CATSPERB: variants seen among roughly 807,000 people sequenced by gnomAD.
The protein encoded by CATSPERB is cation channel sperm-associated auxiliary subunit beta.
Under a neutral mutation model 128.3 loss-of-function variants are expected in CATSPERB, and 93 were observed. The ratio of observed to expected loss-of-function variants is 0.72; its 90% CI spans 0.61 to 0.86. CATSPERB has a LOEUF of 0.86. CATSPERB is among the 40% of genes least tolerant of loss of function. The pLI is 0.00. For missense variants in CATSPERB, 1,153 were observed against 1,329.5 expected (o/e 0.87, Z 2.06); for synonymous variants, 381 against 448.8 (o/e 0.85, Z 1.91).
At chr14:91,660,169 T>C (rs1894852579) in intron 14 of CATSPERB, among the ~76,000 whole-genome samples, 188 bp from the exon 15 acceptor site, 1 of 151,992 alleles carries the variant, frequency 6.6e-6, no homozygotes, top group South Asian at 2.1e-4. Flanking sequence ...CCTTATCTAC[T>C]TTGTCTACCT....
intron 15 of CATSPERB, among the ~76,000 whole-genome samples, chr14:91,640,359 G>A (rs915213970): frequency 1.4e-5 from 2 of 139,098 alleles, no homozygotes; most frequent in African/African-American, 5.5e-5. Flanking sequence ...TCGTCATCTA[G>A]CATTAGGTAT....
At chr14:91,666,855 C>A (rs1002111241) in intron 14 of CATSPERB, among the ~76,000 whole-genome samples, 3 of 152,182 alleles carry the variant, frequency 2.0e-5, no homozygotes, top group Admixed American at 2.0e-4. Context: ...GATGGGGAAC[C>A]AATCAAGCAT....
At chr14:91,605,285 G>T in intron 22 of CATSPERB, 1 of 1,048,362 alleles carries the variant, frequency 9.5e-7, no homozygotes, top group African/African-American at 1.6e-5. Flanking sequence ...GTTGGAGCAA[G>T]GCAGGCTTTG....
chr14:91,634,467 G>A (rs1418900441), intron 17 of CATSPERB, among the ~76,000 whole-genome samples: 1 of 151,552 alleles, frequency 6.6e-6, no homozygotes, highest in East Asian at 2.0e-4. Context: ...ATTTCTCAAA[G>A]AACTAAAAAG....
chr14:91,619,557 A>ATTTTTTT (rs1249897264), intron 19 of CATSPERB, among the ~76,000 whole-genome samples: 2 of 78,766 alleles, frequency 2.5e-5, no homozygotes, highest in Admixed American at 1.6e-4. Flanking sequence ...TTTTTTTAAA[A>ATTTTTTT]AAAAAATAGC....
intron 20 of CATSPERB, among the ~76,000 whole-genome samples, chr14:91,614,294 C>CTG (rs367736559): frequency 0.59 from 89,732 of 151,304 alleles, 27,450 homozygotes; most frequent in Admixed American, 0.71. Context: ...CTCTAGGGCT[C>CTG]ACACTTTTAT....
intron 5 of CATSPERB, among the ~76,000 whole-genome samples, chr14:91,714,277 C>CAAAAAAAAAAAAAAA (rs35951126): frequency 4.4e-4 from 49 of 111,226 alleles, no homozygotes; most frequent in South Asian, 6.5e-4. Context: ...TACAATAAGG[C>CAAAAAAAAAAAAAAA]AAAAAAAAAA....
intron 22 of CATSPERB, chr14:91,592,214 T>G: frequency 1.8e-6 from 1 of 550,506 alleles, no homozygotes; most frequent in Non-Finnish European, 3.2e-6. Flanking sequence ...AACCCAAGTA[T>G]TACTCAGCCG....
At chr14:91,592,299 C>T in intron 22 of CATSPERB, 1 of 384,284 alleles carries the variant, frequency 2.6e-6, no homozygotes, top group Non-Finnish European at 4.7e-6. Context: ...CCCAGGACTA[C>T]CAAACTAACT....
At chr14:91,657,815 G>T (rs996760527) in intron 15 of CATSPERB, among the ~76,000 whole-genome samples, 1 of 152,110 alleles carries the variant, frequency 6.6e-6, no homozygotes, top group Admixed American at 6.5e-5. Flanking sequence ...AAACTACAAT[G>T]AGATTATCAT....
At chr14:91,609,714 T>A (rs956681250) in intron 21 of CATSPERB, among the ~76,000 whole-genome samples, 3 of 152,184 alleles carry the variant, frequency 2.0e-5, no homozygotes, top group African/African-American at 7.2e-5. Flanking sequence ...ATTAATTTTT[T>A]AGATATTTCT....
At chr14:91,626,011 G>C (rs1352394739) in intron 17 of CATSPERB, among the ~76,000 whole-genome samples, 1 of 152,138 alleles carries the variant, frequency 6.6e-6, no homozygotes, top group Non-Finnish European at 1.5e-5. Flanking sequence ...TGTAATCCCA[G>C]CTACTCAGGA....
rs923051306 is a variant in CATSPERB at position 91,621,456 on chromosome 14, T to C, written c.2260+152A>G. On this transcript the variant is annotated intron_variant, in intron 19 of 26. Coordinates refer to ENST00000256343, the MANE Select transcript of CATSPERB (RefSeq NM_024764.4). ...AATATAGAGCCCAGTACATAGTAAG[T>C]ACTCAATAATTAGGCACTAATACTG... 29 of 594,280 alleles carry C rather than the reference T, an allele frequency of 4.9e-5. No individual in the cohort carries two copies. The Admixed American group carries it at 7.5e-4, about 15-fold the overall frequency. The allele number at this position is 594,280 out of a possible 1,614,324, so 36.8% of individuals were successfully genotyped here. A position where few individuals can be genotyped will look rare whatever the true frequency, so the allele number is the denominator to read the frequency against.
intron 11 of CATSPERB, among the ~76,000 whole-genome samples, chr14:91,677,405 C>T (rs1895209730): frequency 6.6e-6 from 1 of 152,096 alleles, no homozygotes; most frequent in African/African-American, 2.4e-5. Flanking sequence ...AGGATATGAA[C>T]AGACACTTCT....
intron 1 of CATSPERB, among the ~76,000 whole-genome samples, chr14:91,730,280 A>G (rs886590046): frequency 1.3e-5 from 2 of 152,176 alleles, no homozygotes; most frequent in African/African-American, 4.8e-5. Flanking sequence ...GTGAAGACAC[A>G]GAGGGAAGAC....
At chr14:91,669,294 A>G (rs960224300) in intron 14 of CATSPERB, among the ~76,000 whole-genome samples, 4 of 151,364 alleles carry the variant, frequency 2.6e-5, no homozygotes, top group Admixed American at 1.3e-4. Flanking sequence ...TGTGGCCCTT[A>G]CTTTTTAAAA....
chr14:91,581,000 C>A lies in CATSPERB; in HGVS notation c.3240G>T (p.Leu1080=). ...GLIFIAFMFQ[L]QGIHPWRTFQ... The stretch of plus-strand genomic sequence containing the variant: ...ATGTCCTCCACGGATGGATGCCTTG[C>A]AGTTGAAACATAAATGCTATAAAAA... The change falls in exon 27 of 27, where the codon CTG becomes CTT. Residue 1080 remains leucine, a synonymous_variant. Transcript: ENST00000256343. The A allele has an allele frequency of 6.2e-7, 1 of 1,614,170 alleles. No individual in the cohort carries two copies. Among genetic ancestry groups the A allele is most frequent in the Non-Finnish European group, 8.5e-7 (1 of 1,180,004 alleles).
At chr14:91,591,234 T>A (rs1204273173) in intron 23 of CATSPERB, among the ~76,000 whole-genome samples, 1 of 151,986 alleles carries the variant, frequency 6.6e-6, no homozygotes, top group Non-Finnish European at 1.5e-5. Context: ...TTTGTATTTT[T>A]AGTAGAGATT....
At chr14:91,586,539 C>T (rs565861590) in intron 26 of CATSPERB, among the ~76,000 whole-genome samples, 196 of 54,342 alleles carry the variant, frequency 3.6e-3, no homozygotes, top group African/African-American at 0.014. Context: ...AGAGCTGGGC[C>T]GGAACAGGAG....
Sources: gnomAD v4.1 joint callset for allele counts (sites outside exome capture counted in the v4.1 genomes callset) on GRCh38, gnomAD v4.1.1 for gene constraint, MANE v1.5 for transcripts, NCBI Gene and HGNC (gene_info 2026-07-23, HGNC 2026-07-21) for gene names.